The following TRAPPC9 variants were observed in gnomAD, a reference collection of about 807,000 sequenced individuals.
The protein encoded by TRAPPC9 is trafficking protein particle complex subunit 9.
A neutral mutation model predicts 124.0 loss-of-function variants in TRAPPC9; 83 were observed. The ratio of observed to expected loss-of-function variants is 0.67; its 90% CI spans 0.56 to 0.80. The LOEUF (loss-of-function observed/expected upper bound fraction) is 0.80. Among genes scored for constraint, TRAPPC9 ranks in the 30% least tolerant of loss-of-function variants. The probability of loss-of-function intolerance (pLI) is 0.00; values close to 1 mark genes in which losing one functional copy is unlikely to be tolerated. For missense variants in TRAPPC9, 1,302 were observed against 1,508.3 expected (o/e 0.86, Z 2.27); for synonymous variants, 638 against 617.5 (o/e 1.03, Z -0.49).
intron 18 of TRAPPC9, among the ~76,000 whole-genome samples, chr8:139,998,490 G>A (rs374728526): frequency 1.1e-4 from 17 of 152,306 alleles, no homozygotes; most frequent in South Asian, 6.2e-4. Context: ...AGGCCAAGGC[G>A]GGTGGATCAC....
At chr8:140,250,503 C>T (rs898970333) in intron 16 of TRAPPC9, among the ~76,000 whole-genome samples, 1 of 152,122 alleles carries the variant, frequency 6.6e-6, no homozygotes, top group Non-Finnish European at 1.5e-5. Context: ...TCTCCCAGTT[C>T]CCAGAGGCCA....
At chr8:140,175,264 G>T (rs973954528) in intron 17 of TRAPPC9, among the ~76,000 whole-genome samples, 1 of 151,820 alleles carries the variant, frequency 6.6e-6, no homozygotes, top group Admixed American at 6.6e-5. Flanking sequence ...CAAATAATTG[G>T]TTTTTGAATT....
At chr8:140,433,593 AAAC>A (rs369074682) in intron 4 of TRAPPC9, among the ~76,000 whole-genome samples, 16 of 152,104 alleles carry the variant, frequency 1.1e-4, no homozygotes, top group Non-Finnish European at 2.1e-4. Flanking sequence ...CTGTCTCAAA[AAAC>A]AACAACAACA....
chr8:140,033,682 T>TTTTTTTTG (rs1840681820), intron 17 of TRAPPC9, among the ~76,000 whole-genome samples: 1 of 117,454 alleles, frequency 8.5e-6, no homozygotes, highest in East Asian at 2.5e-4. Flanking sequence ...TTTTTTTTTT[T>TTTTTTTTG]TTTTTTTTTT....
At position 139,997,302 on chromosome 8, in the gene TRAPPC9, T is replaced by C. The variant is rs574423330; in HGVS notation, c.2700-8466A>G. Among the ~76,000 whole-genome samples the C allele has an allele frequency of 2.2e-4, 33 of 147,852 alleles. No individual in the cohort carries two copies. The South Asian group carries it at 6.5e-3, about 29-fold the overall frequency. On this transcript the variant is annotated intron_variant, in intron 18 of 22. Coordinates refer to ENST00000438773, the MANE Select transcript of TRAPPC9 (RefSeq NM_001160372.4). The stretch of plus-strand genomic sequence containing the variant: ...AATGCACCCTACACAGAGAAGACAA[T>C]GCATCCTACCCAGGGGAGAAAATAC...
chr8:140,238,631 C>T (rs563001463), intron 16 of TRAPPC9: 4 of 152,304 alleles, frequency 2.6e-5, no homozygotes, highest in South Asian at 4.1e-4. Context: ...ACAAAAGTAG[C>T]GCATAATATG....
intron 17 of TRAPPC9, among the ~76,000 whole-genome samples, chr8:140,047,231 A>G (rs1841660419): frequency 6.6e-6 from 1 of 152,182 alleles, no homozygotes; most frequent in South Asian, 2.1e-4. Context: ...CACATCACAC[A>G]CGCGCACGCA....
rs574379131 is a variant in TRAPPC9 at position 139,742,036 on chromosome 8, T to G, written c.3056-9834A>C. 6.6e-6 allele frequency among the ~76,000 whole-genome samples: 1 copy of G among 152,336 alleles called. No homozygotes were observed. The highest frequency in any genetic ancestry group is 1.9e-4 in the East Asian group (1 of 5,184). On this transcript the variant is annotated intron_variant, in intron 21 of 22. Coordinates refer to ENST00000438773, the MANE Select transcript of TRAPPC9 (RefSeq NM_001160372.4). This position sits in a 1 kb window ranked among gnomAD's most constrained non-coding sequence, Gnocchi z 4.7. ...TTATTATTTCTCATGGGTGTACACCTGACAGCAGACTTGCTGGGTCAAATG... is the reference window on the plus strand; with the variant it reads ...TTATTATTTCTCATGGGTGTACACCGGACAGCAGACTTGCTGGGTCAAATG...
chr8:140,175,001 ATTT>A (rs35949640), intron 17 of TRAPPC9, among the ~76,000 whole-genome samples: 5 of 140,994 alleles, frequency 3.5e-5, no homozygotes, highest in Non-Finnish European at 6.1e-5. Flanking sequence ...GCACCTGGGG[ATTT>A]TTTTTTTTTT....
In TRAPPC9 at chr8:140,435,241, C is replaced by G; in HGVS notation, c.731-1G>C. The G allele has an allele frequency of 6.2e-7, 1 of 1,612,888 alleles. No homozygotes were observed. The highest frequency in any genetic ancestry group is 8.5e-7 in the Non-Finnish European group (1 of 1,179,710). The stretch of plus-strand genomic sequence containing the variant: ...GCTGAACACAATCCTTCCAGGGCAG[C>G]TGGGCATTAAGAAAACAAAAAACAA... On this transcript the variant is annotated splice_acceptor_variant, in intron 3 of 22. Coordinates refer to ENST00000438773, the MANE Select transcript of TRAPPC9 (RefSeq NM_001160372.4). LOFTEE classifies it high-confidence loss of function.
chr8:139,736,774 A>C (rs7821038), intron 21 of TRAPPC9, among the ~76,000 whole-genome samples: 120,878 of 152,174 alleles, frequency 0.79, 48,581 homozygotes, highest in East Asian at 0.9. Flanking sequence ...CCCCGTCAGC[A>C]GCAACACCGG....
intron 20 of TRAPPC9, among the ~76,000 whole-genome samples, chr8:139,899,576 T>G (rs1830894014): frequency 6.6e-6 from 1 of 152,102 alleles, no homozygotes; most frequent in Non-Finnish European, 1.5e-5. Flanking sequence ...ACCCACGTAG[T>G]TCACACCTGT....
intron 17 of TRAPPC9, among the ~76,000 whole-genome samples, chr8:140,179,346 A>C (rs2062148421): frequency 6.6e-6 from 1 of 152,130 alleles, no homozygotes; most frequent in East Asian, 1.9e-4. Context: ...GGTTATTTAG[A>C]AATGTGTTGC....
At chr8:140,072,469 G>C (rs2129829912) in intron 17 of TRAPPC9, among the ~76,000 whole-genome samples, 1 of 151,836 alleles carries the variant, frequency 6.6e-6, no homozygotes, top group East Asian at 1.9e-4. Context: ...AGTGAGCCGA[G>C]ACTGCGCCAC....
chr8:140,032,298 C>G (rs906211245), intron 17 of TRAPPC9, among the ~76,000 whole-genome samples: 4 of 152,230 alleles, frequency 2.6e-5, no homozygotes, highest in Non-Finnish European at 5.9e-5. Context: ...AGACCACTGT[C>G]CTCTCCCATC....
chr8:140,320,597 C>T (rs926203366), intron 9 of TRAPPC9, among the ~76,000 whole-genome samples: 10 of 152,234 alleles, frequency 6.6e-5, no homozygotes, highest in African/African-American at 2.4e-4. Flanking sequence ...ACCCGGTTAT[C>T]GGGACCAACA....
chr8:140,379,614 T>A (rs2068545985), intron 7 of TRAPPC9, among the ~76,000 whole-genome samples: 1 of 152,172 alleles, frequency 6.6e-6, no homozygotes, highest in South Asian at 2.1e-4. Flanking sequence ...ATATATTGTT[T>A]GCCTTATAAA....
intron 17 of TRAPPC9, among the ~76,000 whole-genome samples, chr8:140,113,126 G>A (rs1281249355): frequency 6.6e-6 from 1 of 152,216 alleles, no homozygotes; most frequent in Non-Finnish European, 1.5e-5. Context: ...TATTATGTGG[G>A]GAGCAGAGAG....
chr8:140,400,176 C>G (rs763151435), intron 6 of TRAPPC9, among the ~76,000 whole-genome samples: 1 of 152,148 alleles, frequency 6.6e-6, no homozygotes, highest in Admixed American at 6.5e-5. Context: ...GTCTCCAGTA[C>G]GTCTTTATCA....
Sources: gnomAD v4.1 joint callset for allele counts (sites outside exome capture counted in the v4.1 genomes callset) on GRCh38, gnomAD v4.1.1 for gene constraint, Gnocchi (gnomAD v3.1) non-coding constraint, MANE v1.5 for transcripts, NCBI Gene and HGNC (gene_info 2026-07-23, HGNC 2026-07-21) for gene names.